The following SLC25A10 variants were observed in gnomAD, a reference collection of about 807,000 sequenced individuals.
SLC25A10 encodes the protein solute carrier family 25 member 10, also known as mitochondrial dicarboxylate carrier.
A neutral mutation model predicts 40.4 loss-of-function variants in SLC25A10; 32 were observed. The observed-to-expected ratio is 0.79, with a 90% CI of 0.60 to 1.06. The LOEUF (loss-of-function observed/expected upper bound fraction) is 1.06, where lower values mean the gene tolerates loss of function less well. Ranked by LOEUF, SLC25A10 falls within the 50% of genes least tolerant of loss-of-function variation. The probability of loss-of-function intolerance (pLI) is 0.00; values close to 1 mark genes in which losing one functional copy is unlikely to be tolerated. For missense variants in SLC25A10, 394 were observed against 402.6 expected (o/e 0.98, Z 0.18); for synonymous variants, 181 against 171.1 (o/e 1.06, Z -0.45).
intron 1 of SLC25A10, 62 bp from the exon 2 acceptor site, chr17:81,714,889 CTG>C (rs1327614648): frequency 3.2e-6 from 5 of 1,582,092 alleles, no homozygotes; most frequent in Non-Finnish European, 4.3e-6. Context: ...TTCCCCCTCT[CTG>C]GATGAACCTG....
In SLC25A10 at chr17:81,720,853, C is replaced by A; in HGVS notation, c.*776C>A. ...CCGCTTGGCTCCCTGGGGGAATGGC[C>A]CAGGCGGGCCGCGGTTCCTCCTTAG... On this transcript the variant is annotated 3_prime_UTR_variant, in exon 11 of 11. Transcript: ENST00000350690. The A allele has an allele frequency of 4.8e-6, 1 of 208,214 alleles. No individual in the cohort carries two copies. The highest frequency in any genetic ancestry group is 2.3e-5 in the African/African-American group (1 of 43,792). 12.9% of individuals were successfully genotyped at this position (208,214 alleles called of 1,614,324 possible). A position where few individuals can be genotyped will look rare whatever the true frequency, so the allele number is the denominator to read the frequency against.
Position 81,717,472 on chromosome 17 carries a change from T to C in SLC25A10, c.608T>C (p.Phe203Ser). The change falls in exon 8 of 11, where the codon TTT (phenylalanine) becomes TCT (serine). Residue 203 changes from phenylalanine (F) to serine (S), a missense_variant. Coordinates refer to ENST00000350690, the MANE Select transcript of SLC25A10 (RefSeq NM_012140.5). ...GYLSDNIFTH[F>S]VASFIAGGCA... Reference sequence around the variant, plus strand: ...CTCTCTGACAACATCTTCACTCACTTTGTCGCCAGCTTTATTGCAGTAAGT... The same window carrying C: ...CTCTCTGACAACATCTTCACTCACTCTGTCGCCAGCTTTATTGCAGTAAGT... The C allele has an allele frequency of 6.2e-7, 1 of 1,613,622 alleles. No individual in the cohort carries two copies. Among genetic ancestry groups the C allele is most frequent in the South Asian group, 1.1e-5 (1 of 91,090 alleles).
Position 81,719,905 on chromosome 17 carries a change from G to A in SLC25A10, c.762+18G>A. The A allele has an allele frequency of 6.2e-7, 1 of 1,613,602 alleles. No homozygotes were observed. The highest frequency in any genetic ancestry group is 8.5e-7 in the Non-Finnish European group (1 of 1,179,918). ...TTTACAAGGTGCAGTGGTGGCGGCA[G>A]TGGCGGCTTGGGCAATGGGGAGCGG... On this transcript the variant is annotated intron_variant, in intron 10 of 10. Transcript: ENST00000350690.
chr17:81,717,172 C>T (rs1279995674), intron 7 of SLC25A10, 100 bp downstream of exon 7: 36 of 1,346,636 alleles, frequency 2.7e-5, no homozygotes, highest in Non-Finnish European at 3.6e-5. Flanking sequence ...CAAAACCCTC[C>T]TGGGGAGCCA....
At position 81,714,634 on chromosome 17, in the gene SLC25A10, C is replaced by T. The variant is rs1031981882; in HGVS notation, c.94-319C>T. Reference sequence around the variant, plus strand: ...TGGGCCCAAATCCTGATGGCACCAGCGGGTGCGTTACCTCTCCATGCCTCA... The same window carrying T: ...TGGGCCCAAATCCTGATGGCACCAGTGGGTGCGTTACCTCTCCATGCCTCA... On this transcript the variant is annotated intron_variant, in intron 1 of 10. Coordinates refer to ENST00000350690, the MANE Select transcript of SLC25A10 (RefSeq NM_012140.5). Among the ~76,000 whole-genome samples the T allele has an allele frequency of 2.6e-5, 4 of 152,188 alleles. No homozygotes were observed. The East Asian group carries it at 5.8e-4, about 22-fold the overall frequency.
In SLC25A10 at chr17:81,715,879, G is replaced by T. The variant is rs1371876474; in HGVS notation, c.378-130G>T. On this transcript the variant is annotated intron_variant, in intron 4 of 10. Transcript: ENST00000350690. ...ACCCTGGTGTCCTGGGCATAGGAGG[G>T]TGGGTGTCCCTGAGCCCCGGCGTGC... The T allele has an allele frequency of 4.9e-6, 7 of 1,421,276 alleles. No individual in the cohort carries two copies. The Admixed American group carries it at 7.3e-5, about 15-fold the overall frequency. 88.0% of individuals were successfully genotyped at this position (1,421,276 alleles called of 1,614,324 possible).
rs747769544 is a variant in SLC25A10 at position 81,716,064 on chromosome 17, G to A, written c.419+14G>A. The stretch of plus-strand genomic sequence containing the variant: ...TCAGCGGCGCAAGTGAGTCATGGGC[G>A]GCCTTCTCGGGGTGGTTGAGGTGCA... On this transcript the variant is annotated intron_variant, in intron 5 of 10. Coordinates refer to ENST00000350690, the MANE Select transcript of SLC25A10 (RefSeq NM_012140.5). 2.3e-5 allele frequency: 36 copies of A among 1,590,584 alleles called. No individual in the cohort carries two copies. The highest frequency in any genetic ancestry group is 5.7e-5 in the South Asian group (5 of 88,148).
At position 81,712,453 on chromosome 17, in the gene SLC25A10, C is replaced by A. The variant is rs1374716701; in HGVS notation, c.27C>A (p.Arg9=). The A allele has an allele frequency of 3.1e-6, 4 of 1,311,452 alleles. No individual in the cohort carries two copies. The African/African-American group carries it at 6.1e-5, about 20-fold the overall frequency. 81.2% of individuals were successfully genotyped at this position (1,311,452 alleles called of 1,614,324 possible). A position where few individuals can be genotyped will look rare whatever the true frequency, so the allele number is the denominator to read the frequency against. ...TGGCAGCCGAGGCGCGCGTGTCGCG[C>A]TGGTACTTCGGGGGGCTGGCCTCCT... MAAEARVS[R]WYFGGLASCG... The change falls in exon 1 of 11, where the codon CGC becomes CGA. Residue 9 remains arginine (R), a synonymous_variant. Transcript: ENST00000350690.
intron 1 of SLC25A10, among the ~76,000 whole-genome samples, chr17:81,714,182 G>A (rs2037436077): frequency 6.6e-6 from 1 of 152,234 alleles, no homozygotes; most frequent in East Asian, 1.9e-4. Flanking sequence ...AGCGGCGGAA[G>A]GACTTCTTTG....
At position 81,717,398 on chromosome 17, in the gene SLC25A10, G is replaced by T. The variant is rs1225429083; in HGVS notation, c.535-1G>T. The stretch of plus-strand genomic sequence containing the variant: ...CCCTGACCGCCCTTGTGCCCCTGCA[G>T]CTGTCCTGCTACGACCAGGCCAAGC... On this transcript the variant is annotated splice_acceptor_variant, in intron 7 of 10. Coordinates refer to ENST00000350690, the MANE Select transcript of SLC25A10 (RefSeq NM_012140.5). LOFTEE classifies it high-confidence loss of function. The T allele has an allele frequency of 1.2e-6, 2 of 1,613,156 alleles. No homozygotes were observed. Among genetic ancestry groups the T allele is most frequent in the African/African-American group, 2.7e-5 (2 of 74,936 alleles).
intron 7 of SLC25A10, 139 bp from the exon 8 acceptor site, chr17:81,717,260 G>A (rs1214603656): frequency 9.7e-7 from 1 of 1,026,976 alleles, no homozygotes; most frequent in Non-Finnish European, 1.5e-6. Flanking sequence ...TCGGGCAGGT[G>A]CCTCCCCTGT....
intron 2 of SLC25A10, 78 bp from the exon 3 acceptor site, chr17:81,715,400 A>G: frequency 7.8e-7 from 1 of 1,281,212 alleles, no homozygotes; most frequent in Non-Finnish European, 1.1e-6. Flanking sequence ...GCTGAGGGGG[A>G]TCCCTGGCTG....
intron 8 of SLC25A10, 84 bp from the exon 9 acceptor site, chr17:81,717,700 G>A: frequency 6.7e-7 from 1 of 1,501,480 alleles, no homozygotes. Flanking sequence ...CTAGGAGTCA[G>A]GTGGAGGTTC....
At chr17:81,712,981 C>A (rs969932920) in intron 1 of SLC25A10, among the ~76,000 whole-genome samples, 1 of 152,192 alleles carries the variant, frequency 6.6e-6, no homozygotes. Context: ...CGCCCCCCAC[C>A]CAGGGGTGTT....
chr17:81,717,655 G>C, intron 8 of SLC25A10, 129 bp from the exon 9 acceptor site: 1 of 1,305,432 alleles, frequency 7.7e-7, no homozygotes, highest in Non-Finnish European at 1.1e-6. Flanking sequence ...TCATGGGTCA[G>C]CCTGGTGCCC....
intron 1 of SLC25A10, chr17:81,713,502 G>T: frequency 1.0e-6 from 1 of 985,400 alleles, no homozygotes; most frequent in Non-Finnish European, 1.2e-6. Flanking sequence ...CTGCGTGAAG[G>T]CCAGGTGAGC....
intron 5 of SLC25A10, chr17:81,716,598 G>T: frequency 1.7e-6 from 1 of 599,682 alleles, no homozygotes; most frequent in Non-Finnish European, 3.0e-6. Flanking sequence ...GACTCTGTTG[G>T]AAACGATGGA....
Position 81,720,490 on chromosome 17 carries a change from GC to G in SLC25A10, c.*415del. 7.6e-7 allele frequency: 1 copy of G among 1,319,788 alleles called. No individual in the cohort carries two copies. 81.8% of individuals were successfully genotyped at this position (1,319,788 alleles called of 1,614,324 possible). ...ACTTGGGTGGCAGAGTGTGGGTGCA[GC>G]CTGGCTGTTGCTCACCCAAGTGCTA... On this transcript the variant is annotated 3_prime_UTR_variant, in exon 11 of 11. Coordinates refer to ENST00000350690, the MANE Select transcript of SLC25A10 (RefSeq NM_012140.5).
intron 5 of SLC25A10, among the ~76,000 whole-genome samples, chr17:81,716,291 A>C (rs2037484414): frequency 6.6e-6 from 1 of 152,108 alleles, no homozygotes; most frequent in Non-Finnish European, 1.5e-5. Flanking sequence ...TTTGCACCCC[A>C]GGGTGGTGAG....
Sources: gnomAD v4.1 joint callset for allele counts (sites outside exome capture counted in the v4.1 genomes callset) on GRCh38, gnomAD v4.1.1 for gene constraint, MANE v1.5 for transcripts, NCBI Gene and HGNC (gene_info 2026-07-23, HGNC 2026-07-21) for gene names.